ZNF276: variants seen among roughly 807,000 people sequenced by gnomAD.
The protein encoded by ZNF276 is centromere protein Z.
In ZNF276, 59 loss-of-function variants were observed where a neutral mutation model predicts 63.9. That is an observed-to-expected ratio of 0.92 (90% CI 0.75 to 1.15). ZNF276 has a LOEUF of 1.15. Among genes scored for constraint, ZNF276 ranks in the 50% most tolerant of loss-of-function variants. The pLI is 0.00. For missense variants in ZNF276, 1,084 were observed against 843.8 expected (o/e 1.28, Z -3.53); for synonymous variants, 496 against 348.4 (o/e 1.42, Z -4.72).
In ZNF276 at chr16:89,727,140, G is replaced by T; in HGVS notation, c.1007-139G>T. The T allele has an allele frequency of 4.7e-6, 4 of 856,602 alleles. No individual in the cohort carries two copies. The South Asian group carries it at 5.6e-5, about 12-fold the overall frequency. 53.1% of individuals were successfully genotyped at this position (856,602 alleles called of 1,614,324 possible). A position where few individuals can be genotyped will look rare whatever the true frequency, so the allele number is the denominator to read the frequency against. On this transcript the variant is annotated intron_variant, in intron 4 of 10. Transcript: ENST00000443381. Reference sequence around the variant, plus strand: ...GCTGCATAGCACCCTTGGTGGGGATGGGGCCATGGTGGGGAGAACTTGAGG... The same window carrying T: ...GCTGCATAGCACCCTTGGTGGGGATTGGGCCATGGTGGGGAGAACTTGAGG...
In ZNF276 at chr16:89,740,509, G is replaced by T. The variant is rs777947740; in HGVS notation, c.*2263G>T. 4.1e-6 allele frequency: 2 copies of T among 489,170 alleles called. No individual in the cohort carries two copies. Among genetic ancestry groups the T allele is most frequent in the African/African-American group, 1.9e-5 (1 of 51,506 alleles). 30.3% of individuals were successfully genotyped at this position (489,170 alleles called of 1,614,324 possible). A position where few individuals can be genotyped will look rare whatever the true frequency, so the allele number is the denominator to read the frequency against. ...AATTAGCCGGGTGTGACAGACTCAC[G>T]CCTGTAATCCCAGCTACTCGGGAGG... On this transcript the variant is annotated 3_prime_UTR_variant, in exon 11 of 11. Coordinates refer to ENST00000443381, the MANE Select transcript of ZNF276 (RefSeq NM_001113525.2).
chr16:89,725,490 A>G (rs1211098816), intron 4 of ZNF276, among the ~76,000 whole-genome samples: 2 of 151,344 alleles, frequency 1.3e-5, no homozygotes, highest in East Asian at 3.9e-4. Context: ...CAAGAACAAT[A>G]CTTTTTAAAA....
At position 89,739,541 on chromosome 16, in the gene ZNF276, C is replaced by T. The variant is rs1479443055; in HGVS notation, c.*1295C>T. ...CGGGGCCACACGGAGGAGGAGCCGC[C>T]CCAGCCTGAGGTCTGCAACACCAAG... On this transcript the variant is annotated 3_prime_UTR_variant, in exon 11 of 11. Transcript: ENST00000443381. 4 of 1,551,164 alleles carry T rather than the reference C, an allele frequency of 2.6e-6. No homozygotes were observed. In the African/African-American group the frequency reaches 4.1e-5, roughly 16 times the overall value.
At position 89,739,538 on chromosome 16, in the gene ZNF276, C is replaced by G. The variant is rs376523966; in HGVS notation, c.*1292C>G. 1.3e-6 allele frequency: 2 copies of G among 1,551,298 alleles called. No homozygotes were observed. Among genetic ancestry groups the G allele is most frequent in the Non-Finnish European group, 1.7e-6 (2 of 1,147,032 alleles). ...ATCCGGGGCCACACGGAGGAGGAGC[C>G]GCCCCAGCCTGAGGTCTGCAACACC... On this transcript the variant is annotated 3_prime_UTR_variant, in exon 11 of 11. Coordinates refer to ENST00000443381, the MANE Select transcript of ZNF276 (RefSeq NM_001113525.2).
At chr16:89,724,845 C>T (rs573892910) in intron 4 of ZNF276, among the ~76,000 whole-genome samples, 11 of 152,224 alleles carry the variant, frequency 7.2e-5, no homozygotes, top group Non-Finnish European at 1.2e-4. Flanking sequence ...TATCTATCTT[C>T]CTACTTCTTT....
At chr16:89,725,032 G>C (rs2061428562) in intron 4 of ZNF276, among the ~76,000 whole-genome samples, 1 of 152,250 alleles carries the variant, frequency 6.6e-6, no homozygotes, top group Non-Finnish European at 1.5e-5. Context: ...CGCTACCTCA[G>C]CCTCCCGAGT....
chr16:89,722,568 C>T lies in ZNF276; in HGVS notation c.243C>T (p.Leu81=), dbSNP rs765280598. ...GRALAMGHCR[L]CHGKFSSRSL... is the part of the protein sequence containing the mutation. ...CTCTCGCCATGGGTCACTGTCGCCT[C>T]TGCCACGGGAAGTTTTCCTCGAGAA... The change falls in exon 2 of 11, where the codon CTC becomes CTT. Residue 81 remains leucine, a synonymous_variant. Transcript: ENST00000443381. 83 of 1,612,438 alleles carry T rather than the reference C, an allele frequency of 5.1e-5. No individual in the cohort carries two copies. Among genetic ancestry groups the T allele is most frequent in the South Asian group, 7.7e-5 (7 of 91,078 alleles).
At position 89,736,633 on chromosome 16, in the gene ZNF276, C is replaced by A. The variant is rs188042428; in HGVS notation, c.1475-1173C>A. On this transcript the variant is annotated intron_variant, in intron 9 of 10. Transcript: ENST00000443381. The stretch of plus-strand genomic sequence containing the variant: ...TGTGTAAGCCACTGCACCGGCCCCC[C>A]AAATTTTTTAAATTACCTGGGTGTG... Among the ~76,000 whole-genome samples, 851 of 151,532 alleles carry A rather than the reference C, an allele frequency of 5.6e-3. 7 individuals are homozygous for A. The highest frequency in any genetic ancestry group is 0.014 in the Admixed American group (214 of 15,188).
chr16:89,729,510 GTCC>G (rs2061578473), intron 6 of ZNF276, among the ~76,000 whole-genome samples, 192 bp downstream of exon 6: 1 of 128,466 alleles, frequency 7.8e-6, no homozygotes, highest in African/African-American at 2.7e-5. Flanking sequence ...GAGAAGGTGG[GTCC>G]TCCTGGTGCT....
At chr16:89,737,760 G>C (rs757289385) in intron 9 of ZNF276, 46 bp from the exon 10 acceptor site, 9 of 1,611,174 alleles carry the variant, frequency 5.6e-6, no homozygotes, top group Non-Finnish European at 5.9e-6. Context: ...CCCCCCGGGA[G>C]GTTGGAGCAT....
At chr16:89,737,416 C>CA (rs1376994234) in intron 9 of ZNF276, 7 of 239,458 alleles carry the variant, frequency 2.9e-5, no homozygotes, top group Non-Finnish European at 5.8e-5. Context: ...AGCTACTTGG[C>CA]AGGCTGAGGC....
chr16:89,725,978 T>C (rs935218120), intron 4 of ZNF276, among the ~76,000 whole-genome samples: 2 of 152,184 alleles, frequency 1.3e-5, no homozygotes, highest in Non-Finnish European at 2.9e-5. Flanking sequence ...TATTTATTTA[T>C]GGAGTCTCGC....
chr16:89,723,209 G>A, intron 3 of ZNF276, 26 bp downstream of exon 3: 2 of 1,613,202 alleles, frequency 1.2e-6, no homozygotes, highest in South Asian at 1.1e-5. Flanking sequence ...GTGGAGGGTG[G>A]GCTGGGTGCC....
chr16:89,732,595 C>A, intron 6 of ZNF276: 1 of 184,152 alleles, frequency 5.4e-6, no homozygotes, highest in South Asian at 9.3e-5. Context: ...CTTTAGTTCT[C>A]AGAACCCACC....
Position 89,723,708 on chromosome 16 carries a change from A to T in ZNF276, c.1005A>T (p.Pro335=), listed in dbSNP as rs1337642361. The T allele has an allele frequency of 5.0e-6, 8 of 1,606,584 alleles. No individual in the cohort carries two copies. Among genetic ancestry groups the T allele is most frequent in the Non-Finnish European group, 6.8e-6 (8 of 1,176,108 alleles). ...CAAGCCTGCCCCTTTGCAGGGCCCC[A>T]GGTAGGAGGCACCTCTTGCTGGTGC... is the stretch of plus-strand genomic sequence containing the variant. ...PQPSLPLCRA[P]GQLGEKQLPS... is the part of the protein sequence containing the mutation. The change falls in exon 4 of 11, where the codon CCA becomes CCT. Residue 335 remains proline (P), a splice_region_variant and synonymous_variant. Coordinates refer to ENST00000443381, the MANE Select transcript of ZNF276 (RefSeq NM_001113525.2).
upstream of ZNF276, chr16:89,720,479 G>C: frequency 9.0e-7 from 1 of 1,106,714 alleles, no homozygotes. Context: ...TGGCCTGGCG[G>C]ACCCTCCTGC....
rs780798579 is a variant in ZNF276 at position 89,722,628 on chromosome 16, G to C, written c.303G>C (p.Ala101=). ...LRSISERAPG[A]SMERPSAEER... is the part of the protein sequence containing the mutation. ...GCATCTCCGAGAGGGCGCCTGGAGC[G>C]AGCATGGAGAGGCCATCCGCAGAGG... The change falls in exon 2 of 11, where the codon GCG becomes GCC. Residue 101 remains alanine (A), a synonymous_variant. Coordinates refer to ENST00000443381, the MANE Select transcript of ZNF276 (RefSeq NM_001113525.2). 2 of 1,611,868 alleles carry C rather than the reference G, an allele frequency of 1.2e-6. No homozygotes were observed. The highest frequency in any genetic ancestry group is 3.3e-5 in the Admixed American group (2 of 60,002).
intron 4 of ZNF276, among the ~76,000 whole-genome samples, chr16:89,727,077 G>A (rs926085479): frequency 2.6e-5 from 4 of 152,222 alleles, no homozygotes; most frequent in African/African-American, 9.6e-5. Context: ...TGCTGCCTGT[G>A]TGCTTCTGGA....
rs2061279442 is a variant in ZNF276 at position 89,721,650 on chromosome 16, G to T, written c.10G>T (p.Asp4Tyr). 3 of 1,468,966 alleles carry T rather than the reference G, an allele frequency of 2.0e-6. No individual in the cohort carries two copies. The highest frequency in any genetic ancestry group is 1.3e-5 in the South Asian group (1 of 77,776). 91.0% of individuals were successfully genotyped at this position (1,468,966 alleles called of 1,614,324 possible). A position where few individuals can be genotyped will look rare whatever the true frequency, so the allele number is the denominator to read the frequency against. The change falls in exon 1 of 11, where the codon GAC becomes TAC. Residue 4 changes from aspartate (D) to tyrosine (Y), a missense_variant. Coordinates refer to ENST00000443381, the MANE Select transcript of ZNF276 (RefSeq NM_001113525.2). ...GGCGTCCTCCGCTGCCATGAAGCGGGACCGGCTGGGCCGCTTCCTGTCTCC... is the reference window on the plus strand; with the variant it reads ...GGCGTCCTCCGCTGCCATGAAGCGGTACCGGCTGGGCCGCTTCCTGTCTCC... Reference protein sequence around the residue: MKRDRLGRFLSPGS... With the variant: MKRYRLGRFLSPGS...
Sources: gnomAD v4.1 joint callset for allele counts (sites outside exome capture counted in the v4.1 genomes callset) on GRCh38, gnomAD v4.1.1 for gene constraint, MANE v1.5 for transcripts, NCBI Gene and HGNC (gene_info 2026-07-23, HGNC 2026-07-21) for gene names.